Variants in LRRC4C observed in about 807,000 individuals in gnomAD.
LRRC4C encodes the protein leucine-rich repeat-containing protein 4C.
In LRRC4C, 5 loss-of-function variants were observed where a neutral mutation model predicts 33.6. The observed-to-expected ratio is 0.15, with a 90% CI of 0.08 to 0.31. The LOEUF (loss-of-function observed/expected upper bound fraction) is 0.31, where lower values mean the gene tolerates loss of function less well. Ranked by LOEUF, LRRC4C falls within the 10% of genes least tolerant of loss-of-function variation. LRRC4C has a pLI of 1.00. For missense variants in LRRC4C, 560 were observed against 796.7 expected (o/e 0.70, Z 3.58); for synonymous variants, 329 against 302.0 (o/e 1.09, Z -0.93).
At chr11:41,345,359 G>A (rs1217030081) in intron 1 of LRRC4C, among the ~76,000 whole-genome samples, 1 of 152,138 alleles carries the variant, frequency 6.6e-6, no homozygotes, top group Non-Finnish European at 1.5e-5. Flanking sequence ...ATTCTGTACT[G>A]TATTTTAAAA....
chr11:40,509,369 T>C (rs1430972286), intron 3 of LRRC4C, among the ~76,000 whole-genome samples: 1 of 152,192 alleles, frequency 6.6e-6, no homozygotes, highest in Non-Finnish European at 1.5e-5. Context: ...GGTAAGATCA[T>C]GGATACAGTT....
intron 2 of LRRC4C, among the ~76,000 whole-genome samples, chr11:40,827,516 C>G (rs1952215830): frequency 6.6e-6 from 1 of 151,858 alleles, no homozygotes; most frequent in Non-Finnish European, 1.5e-5. Context: ...TAGACTTACA[C>G]TGACTCTTTG....
chr11:40,422,529 A>G (rs1950556293), intron 3 of LRRC4C, among the ~76,000 whole-genome samples: 1 of 152,206 alleles, frequency 6.6e-6, no homozygotes, highest in African/African-American at 2.4e-5. Context: ...GTTACAACAC[A>G]TCTTTGCATG....
At chr11:40,607,316 C>G (rs934150305) in intron 3 of LRRC4C, among the ~76,000 whole-genome samples, 3 of 152,132 alleles carry the variant, frequency 2.0e-5, no homozygotes, top group African/African-American at 4.8e-5. Context: ...GCCCACAGAC[C>G]TAAGTGAGAA....
intron 4 of LRRC4C, among the ~76,000 whole-genome samples, chr11:40,247,524 A>C (rs1866441306): frequency 6.6e-6 from 1 of 152,228 alleles, no homozygotes. Context: ...CAAAAAGAAG[A>C]AAATGGAAGC....
chr11:41,112,683 C>G (rs1941903632), intron 1 of LRRC4C, among the ~76,000 whole-genome samples: 1 of 152,056 alleles, frequency 6.6e-6, no homozygotes, highest in Non-Finnish European at 1.5e-5. Flanking sequence ...TTTTGCACAC[C>G]TTCACATGTA....
intron 2 of LRRC4C, among the ~76,000 whole-genome samples, chr11:40,901,558 T>G (rs1431896822): frequency 1.3e-5 from 2 of 152,074 alleles, no homozygotes; most frequent in South Asian, 2.1e-4. Flanking sequence ...CTCTACCAGT[T>G]TTTTTTCTCC....
chr11:40,912,091 G>C (rs1276848338), intron 2 of LRRC4C, among the ~76,000 whole-genome samples: 1 of 152,140 alleles, frequency 6.6e-6, no homozygotes, highest in African/African-American at 2.4e-5. Context: ...GAAAGTGAGG[G>C]GGAGAATGGA....
intron 3 of LRRC4C, among the ~76,000 whole-genome samples, chr11:40,360,371 G>T (rs947720599): frequency 1.3e-5 from 2 of 152,106 alleles, no homozygotes; most frequent in Non-Finnish European, 2.9e-5. Flanking sequence ...ATCATTACAT[G>T]AGTACTGATT....
At chr11:41,035,204 CATAA>C (rs559701849) in intron 1 of LRRC4C, among the ~76,000 whole-genome samples, 37 of 150,326 alleles carry the variant, frequency 2.5e-4, no homozygotes, top group South Asian at 8.4e-4. Flanking sequence ...TAAATAAATA[CATAA>C]ATAAATAAAT....
At chr11:41,327,983 T>TC (rs1472659693) in intron 1 of LRRC4C, among the ~76,000 whole-genome samples, 1 of 152,118 alleles carries the variant, frequency 6.6e-6, no homozygotes, top group African/African-American at 2.4e-5. Flanking sequence ...ACTAATACAA[T>TC]CAGTATTCAT....
At chr11:40,375,326 T>C (rs1474415134) in intron 3 of LRRC4C, among the ~76,000 whole-genome samples, 1 of 152,170 alleles carries the variant, frequency 6.6e-6, no homozygotes, top group Non-Finnish European at 1.5e-5. Context: ...GTCTTTGGTA[T>C]TTTTGAGACC....
chr11:40,928,324 A>G (rs1957478706), intron 2 of LRRC4C, among the ~76,000 whole-genome samples: 1 of 151,370 alleles, frequency 6.6e-6, no homozygotes, highest in Non-Finnish European at 1.5e-5. Context: ...TTTTTAATGT[A>G]TCACACAAAA....
chr11:41,109,685 A>C (rs569514332), intron 1 of LRRC4C, among the ~76,000 whole-genome samples: 1 of 152,092 alleles, frequency 6.6e-6, no homozygotes, highest in Non-Finnish European at 1.5e-5. Flanking sequence ...CTAGTTTTAC[A>C]TTTACATTTT....
chr11:40,976,873 G>A (rs141089597), intron 1 of LRRC4C, among the ~76,000 whole-genome samples: 113 of 152,164 alleles, frequency 7.4e-4, no homozygotes, highest in African/African-American at 2.6e-3. Context: ...CAGGGGGATC[G>A]TTTGGGGATG....
chr11:40,118,649 CA>C (rs1215605115), intron 6 of LRRC4C, among the ~76,000 whole-genome samples: 2 of 151,982 alleles, frequency 1.3e-5, no homozygotes, highest in Non-Finnish European at 2.9e-5. Flanking sequence ...CCAAGGCAAG[CA>C]GACATGAAAA....
chr11:40,506,786 CAAAT>C (rs1465303169), intron 3 of LRRC4C, among the ~76,000 whole-genome samples: 1 of 151,904 alleles, frequency 6.6e-6, no homozygotes, highest in African/African-American at 2.4e-5. Context: ...AATAGGCTAA[CAAAT>C]AAATGAACAT....
intron 1 of LRRC4C, among the ~76,000 whole-genome samples, chr11:41,187,477 G>A (rs1332753503): frequency 2.0e-5 from 3 of 152,060 alleles, no homozygotes; most frequent in African/African-American, 4.8e-5. Flanking sequence ...CCACTGAGTC[G>A]CCCAACTCCA....
At position 40,174,632 on chromosome 11, in the gene LRRC4C, T is replaced by C. The variant is rs558927424; in HGVS notation, c.-95-33779A>G. On this transcript the variant is annotated intron_variant, in intron 5 of 6. Coordinates refer to ENST00000528697, the MANE Select transcript of LRRC4C (RefSeq NM_001258419.2). ...AGAAACAGTCCCATTTGTGCTTTTA[T>C]GTTTGTTTGGTTTTTTAACATTTGT... 2.6e-5 allele frequency among the ~76,000 whole-genome samples: 4 copies of C among 152,332 alleles called. No homozygotes were observed. In the East Asian group the frequency reaches 7.7e-4, roughly 29 times the overall value.
Sources: allele counts gnomAD v4.1 joint callset (sites outside exome capture counted in the v4.1 genomes callset), GRCh38; gene constraint gnomAD v4.1.1; transcripts MANE v1.5; gene names NCBI Gene and HGNC (gene_info 2026-07-23, HGNC 2026-07-21).